CARMIL1: variants seen among roughly 807,000 people sequenced by gnomAD.
CARMIL1 encodes the protein F-actin-uncapping protein LRRC16A.
A neutral mutation model predicts 177.1 loss-of-function variants in CARMIL1; 90 were observed. The observed-to-expected ratio is 0.51, with a 90% CI of 0.43 to 0.61. The LOEUF is 0.61. Among genes scored for constraint, CARMIL1 ranks in the 20% least tolerant of loss-of-function variants. The pLI is 0.00. For synonymous variants in CARMIL1, 577 were observed against 606.2 expected (o/e 0.95, Z 0.71); for missense variants, 1,380 against 1,667.0 (o/e 0.83, Z 3.00).
intron 2 of CARMIL1, among the ~76,000 whole-genome samples, chr6:25,305,616 C>T (rs1783199806): frequency 6.6e-6 from 1 of 152,198 alleles, no homozygotes; most frequent in Non-Finnish European, 1.5e-5. Flanking sequence ...TCATCCATGG[C>T]TTTTAGACCC....
chr6:25,296,170 G>T (rs1047743319), intron 2 of CARMIL1, among the ~76,000 whole-genome samples: 7 of 152,152 alleles, frequency 4.6e-5, no homozygotes, highest in African/African-American at 1.4e-4. Flanking sequence ...AAGTCTCATG[G>T]TCCTTCCCCA....
chr6:25,298,206 G>A (rs907481430), intron 2 of CARMIL1, among the ~76,000 whole-genome samples: 1 of 152,158 alleles, frequency 6.6e-6, no homozygotes, highest in Non-Finnish European at 1.5e-5. Flanking sequence ...GGGTAGTGTC[G>A]TGATAATGCT....
intron 2 of CARMIL1, among the ~76,000 whole-genome samples, chr6:25,319,764 C>CTTTTTTTTTT (rs10625095): frequency 8.4e-6 from 1 of 118,718 alleles, no homozygotes; most frequent in Admixed American, 9.4e-5. Context: ...CATTTGGTCA[C>CTTTTTTTTTT]TTTTTTTTTT....
intron 3 of CARMIL1, among the ~76,000 whole-genome samples, chr6:25,423,072 C>T (rs956982059): frequency 6.6e-6 from 1 of 152,146 alleles, no homozygotes; most frequent in African/African-American, 2.4e-5. Flanking sequence ...TTTCATGTGC[C>T]ACCTTAAGTC....
intron 2 of CARMIL1, among the ~76,000 whole-genome samples, chr6:25,311,070 C>T (rs55999195): frequency 0.21 from 31,449 of 151,570 alleles, 4,171 homozygotes; most frequent in East Asian, 0.4. Context: ...TAATACCAGC[C>T]ACTCGGGAGG....
At chr6:25,537,473 C>CT in intron 24 of CARMIL1, among the ~76,000 whole-genome samples, 1 of 152,262 alleles carries the variant, frequency 6.6e-6, no homozygotes, top group Middle Eastern at 3.4e-3. Flanking sequence ...AACTCTATGT[C>CT]TAACACATAG....
chr6:25,364,197 G>A (rs1468042977), intron 2 of CARMIL1, among the ~76,000 whole-genome samples: 1 of 152,086 alleles, frequency 6.6e-6, no homozygotes, highest in African/African-American at 2.4e-5. Flanking sequence ...CTCCTGCCTG[G>A]CCTCCCAGAG....
At chr6:25,450,984 C>CTCTTCTCTT (rs201942523) in intron 8 of CARMIL1, among the ~76,000 whole-genome samples, 1 of 6,208 alleles carries the variant, frequency 1.6e-4, no homozygotes, top group African/African-American at 4.6e-4. Flanking sequence ...CTCCTCTCCC[C>CTCTTCTCTT]CTCCCCTCTC....
At position 25,558,266 on chromosome 6, in the gene CARMIL1, T is replaced by A. The variant is rs192202005; in HGVS notation, c.2742+1416T>A. On this transcript the variant is annotated intron_variant, in intron 29 of 36. Transcript: ENST00000329474. The surrounding 1 kb of genome is among the most constrained non-coding windows in gnomAD (Gnocchi z 4.1). ...CACGTTTCCTACCAGATTTATTTGGTCATGTGTAAATTGGAAAAGGGTGAA... is the reference window on the plus strand; with the variant it reads ...CACGTTTCCTACCAGATTTATTTGGACATGTGTAAATTGGAAAAGGGTGAA... Among the ~76,000 whole-genome samples, 252 of 152,298 alleles carry A rather than the reference T, an allele frequency of 1.7e-3. 1 individual carries two copies. Among genetic ancestry groups the A allele is most frequent in the African/African-American group, 5.1e-3 (213 of 41,570 alleles).
intron 2 of CARMIL1, among the ~76,000 whole-genome samples, chr6:25,343,774 C>T (rs947973768): frequency 2.0e-5 from 3 of 152,108 alleles, no homozygotes; most frequent in Non-Finnish European, 2.9e-5. Context: ...CATCTCCTTG[C>T]TTTATTGGAC....
chr6:25,363,176 A>G (rs1420941622), intron 2 of CARMIL1, among the ~76,000 whole-genome samples: 1 of 152,036 alleles, frequency 6.6e-6, no homozygotes, highest in African/African-American at 2.4e-5. Flanking sequence ...GCCAGTAGGT[A>G]TTAAAAATTA....
chr6:25,468,136 T>C (rs946127078), intron 9 of CARMIL1, among the ~76,000 whole-genome samples: 17 of 152,106 alleles, frequency 1.1e-4, no homozygotes, highest in Non-Finnish European at 2.1e-4. Flanking sequence ...AGGAAAAATA[T>C]GACTTTATGT....
chr6:25,421,694 A>AC (rs1217231261), intron 3 of CARMIL1, among the ~76,000 whole-genome samples: 3 of 67,818 alleles, frequency 4.4e-5, no homozygotes, highest in Admixed American at 3.8e-4. Flanking sequence ...CTACGCAGCC[A>AC]TAAAAGTGAG....
chr6:25,540,139 T>C, intron 26 of CARMIL1, 61 bp downstream of exon 26: 1 of 1,435,140 alleles, frequency 7.0e-7, no homozygotes, highest in South Asian at 1.4e-5. Flanking sequence ...CATGATAGCA[T>C]TTCATTCCAT....
At position 25,450,423 on chromosome 6, in the gene CARMIL1, T is replaced by C; in HGVS notation, c.540+14T>C. The C allele has an allele frequency of 6.2e-7, 1 of 1,604,594 alleles. No individual in the cohort carries two copies. The highest frequency in any genetic ancestry group is 8.5e-7 in the Non-Finnish European group (1 of 1,171,638). ...GAAGTACAATGGGTAAGAATGTCTG[T>C]GTACATGTGCATGAGCACACACACT... On this transcript the variant is annotated intron_variant, in intron 7 of 36. Transcript: ENST00000329474.
Position 25,611,987 on chromosome 6 carries a change from C to T in CARMIL1, c.3979+1806C>T, listed in dbSNP as rs554217129. ...GGGGTATATGTTTGATTCCCTTCCT[C>T]ATCCTTCTCCCTCCCCAAGTAGCAA... On this transcript the variant is annotated intron_variant, in intron 36 of 36. Transcript: ENST00000329474. 4.6e-5 allele frequency among the ~76,000 whole-genome samples: 7 copies of T among 152,346 alleles called. No homozygotes were observed. The South Asian group carries it at 1.2e-3, about 27-fold the overall frequency.
At chr6:25,587,897 G>A (rs1306500829) in intron 31 of CARMIL1, among the ~76,000 whole-genome samples, 1 of 152,114 alleles carries the variant, frequency 6.6e-6, no homozygotes, top group Non-Finnish European at 1.5e-5. Flanking sequence ...AGAGAAAAGG[G>A]GGAAAACGTG....
intron 2 of CARMIL1, among the ~76,000 whole-genome samples, chr6:25,330,950 T>C (rs1385780733): frequency 6.6e-6 from 1 of 151,478 alleles, no homozygotes; most frequent in Non-Finnish European, 1.5e-5. Flanking sequence ...TAATGTAATT[T>C]TGCTAAAAGT....
intron 29 of CARMIL1, among the ~76,000 whole-genome samples, chr6:25,573,590 C>CAAAAAAAAA (rs5875051): frequency 7.2e-5 from 5 of 69,918 alleles, no homozygotes; most frequent in Non-Finnish European, 1.3e-4. Context: ...TACCTCTAAG[C>CAAAAAAAAA]AAAAAAAAAA....
Sources: allele counts gnomAD v4.1 joint callset (sites outside exome capture counted in the v4.1 genomes callset), GRCh38; gene constraint gnomAD v4.1.1; non-coding constraint Gnocchi (gnomAD v3.1); transcripts MANE v1.5; gene names NCBI Gene and HGNC (gene_info 2026-07-23, HGNC 2026-07-21).